Variants in B3GLCT observed in about 807,000 individuals in gnomAD.
B3GLCT encodes beta 3-glucosyltransferase.
B3GLCT carries 65 observed loss-of-function variants against 63.4 expected under a neutral mutation model. The observed-to-expected ratio is 1.03, with a 90% confidence interval of 0.84 to 1.26. The LOEUF (loss-of-function observed/expected upper bound fraction) is 1.26. B3GLCT is among the 50% of genes most tolerant of loss of function. B3GLCT has a pLI of 0.00. For missense variants in B3GLCT, 577 were observed against 604.8 expected (o/e 0.95, Z 0.48); for synonymous variants, 233 against 219.2 (o/e 1.06, Z -0.55).
chr13:31,232,955 A>G (rs937533996), intron 4 of B3GLCT, among the ~76,000 whole-genome samples: 1 of 152,088 alleles, frequency 6.6e-6, no homozygotes, highest in African/African-American at 2.4e-5. Context: ...GTTTCCTTGT[A>G]TTTCTCCTAC....
intron 4 of B3GLCT, among the ~76,000 whole-genome samples, chr13:31,237,894 G>C (rs1258471006): frequency 6.6e-6 from 1 of 152,198 alleles, no homozygotes; most frequent in African/African-American, 2.4e-5. Flanking sequence ...CAACTGTGAA[G>C]CATGAAGGTT....
At chr13:31,257,329 G>A (rs959916683) in intron 6 of B3GLCT, among the ~76,000 whole-genome samples, 2 of 151,952 alleles carry the variant, frequency 1.3e-5, no homozygotes, top group Non-Finnish European at 2.9e-5. Flanking sequence ...TTTCATATTG[G>A]TTAAGGTTTA....
chr13:31,286,000 G>T (rs1873312933), intron 11 of B3GLCT, among the ~76,000 whole-genome samples: 1 of 152,100 alleles, frequency 6.6e-6, no homozygotes, highest in African/African-American at 2.4e-5. Context: ...AAATTGAGTG[G>T]TTTAATAGTC....
At chr13:31,292,786 GT>G (rs1343705003) in intron 12 of B3GLCT, among the ~76,000 whole-genome samples, 8 of 151,084 alleles carry the variant, frequency 5.3e-5, no homozygotes, top group Non-Finnish European at 1.2e-4. Flanking sequence ...ATTTTTTAGA[GT>G]TTTTTTGTGT....
chr13:31,229,232 C>G lies in B3GLCT; in HGVS notation c.208C>G (p.His70Asp). 1 of 1,613,448 alleles carries G rather than the reference C, an allele frequency of 6.2e-7. No homozygotes were observed. Among genetic ancestry groups the G allele is most frequent in the Non-Finnish European group, 8.5e-7 (1 of 1,179,458 alleles). Reference sequence around the variant, plus strand: ...CATCCAGAGTCAAAGTAATTCTTTTCATGCAAAGAGAGCAGAGCAGTTAAA... The same window carrying G: ...CATCCAGAGTCAAAGTAATTCTTTTGATGCAAAGAGAGCAGAGCAGTTAAA... ...FVIQSQSNSF[H>D]AKRAEQLKKS... is the part of the protein sequence containing the mutation. The change falls in exon 4 of 15, where the codon CAT becomes GAT. Residue 70 changes from histidine (H) to aspartate (D), a missense_variant. Coordinates refer to ENST00000343307, the MANE Select transcript of B3GLCT (RefSeq NM_194318.4).
At chr13:31,269,934 C>G (rs139242062) in intron 8 of B3GLCT, among the ~76,000 whole-genome samples, 216 of 152,280 alleles carry the variant, frequency 1.4e-3, no homozygotes, top group African/African-American at 4.6e-3. Flanking sequence ...AGACTCCACT[C>G]AGTCTATGGT....
chr13:31,200,232 G>GGGGAGGGAGGCGCA lies in B3GLCT; in HGVS notation c.70+82_70+95dup, dbSNP rs1868567265. The GGGGAGGGAGGCGCA allele has an allele frequency of 4.2e-6, 4 of 949,138 alleles. No homozygotes were observed. The East Asian group carries it at 2.4e-4, about 56-fold the overall frequency. 58.8% of individuals were successfully genotyped at this position (949,138 alleles called of 1,614,324 possible). Reference sequence around the variant, plus strand: ...CAGTCGCCCGTGCCCCGGTCGGCGCGGGGAGGGAGGCGCAGGGCGGCCCAG... The same window carrying GGGGAGGGAGGCGCA: ...CAGTCGCCCGTGCCCCGGTCGGCGCGGGGAGGGAGGCGCAGGGAGGGAGGCGCAGGGCGGCCCAG... On this transcript the variant is annotated intron_variant, in intron 1 of 14. Transcript: ENST00000343307.
intron 3 of B3GLCT, among the ~76,000 whole-genome samples, chr13:31,225,886 C>T (rs1430819727): frequency 1.3e-5 from 2 of 152,198 alleles, no homozygotes; most frequent in African/African-American, 4.8e-5. Flanking sequence ...CCAAGCCTCT[C>T]AGCATGGTAT....
At chr13:31,255,605 A>G (rs972074983) in intron 6 of B3GLCT, among the ~76,000 whole-genome samples, 20 of 152,224 alleles carry the variant, frequency 1.3e-4, no homozygotes, top group African/African-American at 4.8e-4. Flanking sequence ...AAAACCAGAT[A>G]TATAGACCAA....
At chr13:31,316,409 A>ATG (rs1875021842) in intron 12 of B3GLCT, among the ~76,000 whole-genome samples, 1 of 48,856 alleles carries the variant, frequency 2.0e-5, no homozygotes, top group Non-Finnish European at 4.5e-5. Flanking sequence ...TGGAGGTTTT[A>ATG]TATATATATA....
At chr13:31,253,985 C>T (rs1015201384) in intron 6 of B3GLCT, among the ~76,000 whole-genome samples, 1 of 152,072 alleles carries the variant, frequency 6.6e-6, no homozygotes, top group African/African-American at 2.4e-5. Context: ...AAGAAGAAGT[C>T]GAATCCCTGA....
chr13:31,296,930 C>T (rs1295319518), intron 12 of B3GLCT, among the ~76,000 whole-genome samples: 1 of 152,062 alleles, frequency 6.6e-6, no homozygotes, highest in Non-Finnish European at 1.5e-5. Context: ...TCTATACTCC[C>T]CTAACCCCAT....
chr13:31,264,731 C>G (rs1355477), intron 7 of B3GLCT, among the ~76,000 whole-genome samples: 93,679 of 152,068 alleles, frequency 0.62, 29,554 homozygotes, highest in East Asian at 0.98. Flanking sequence ...TTCATTAGCC[C>G]CATCAGCTGC....
At chr13:31,266,962 G>A (rs1872353784) in intron 7 of B3GLCT, among the ~76,000 whole-genome samples, 1 of 151,952 alleles carries the variant, frequency 6.6e-6, no homozygotes, top group Admixed American at 6.6e-5. Flanking sequence ...GTAGAGACGG[G>A]GTTTCACCTT....
intron 4 of B3GLCT, among the ~76,000 whole-genome samples, chr13:31,240,567 C>T (rs1870888671): frequency 6.7e-6 from 1 of 150,252 alleles, no homozygotes; most frequent in Non-Finnish European, 1.5e-5. Flanking sequence ...TGTAAAGAAG[C>T]TTGAGAAAGA....
chr13:31,200,224 G>A lies in B3GLCT; in HGVS notation c.70+70G>A, dbSNP rs920718627. The A allele has an allele frequency of 3.9e-6, 4 of 1,026,960 alleles. No individual in the cohort carries two copies. In the East Asian group the frequency reaches 2.1e-4, roughly 54 times the overall value. The allele number at this position is 1,026,960 out of a possible 1,614,324, so 63.6% of individuals were successfully genotyped here. A position where few individuals can be genotyped will look rare whatever the true frequency, so the allele number is the denominator to read the frequency against. ...CGCGGGCACAGTCGCCCGTGCCCCG[G>A]TCGGCGCGGGGAGGGAGGCGCAGGG... is the stretch of plus-strand genomic sequence containing the variant. On this transcript the variant is annotated intron_variant, in intron 1 of 14. Coordinates refer to ENST00000343307, the MANE Select transcript of B3GLCT (RefSeq NM_194318.4).
intron 8 of B3GLCT, among the ~76,000 whole-genome samples, chr13:31,271,781 G>C (rs1191133680): frequency 6.6e-6 from 1 of 152,100 alleles, no homozygotes; most frequent in Non-Finnish European, 1.5e-5. Flanking sequence ...TACTAAGGGA[G>C]GAATGTAGAA....
At chr13:31,233,748 G>A (rs1011844780) in intron 4 of B3GLCT, among the ~76,000 whole-genome samples, 1 of 152,304 alleles carries the variant, frequency 6.6e-6, no homozygotes, top group South Asian at 2.1e-4. Context: ...AACTCAAGGG[G>A]TTCTAATCTT....
At position 31,308,355 on chromosome 13, in the gene B3GLCT, A is replaced by C. The variant is rs1243453878; in HGVS notation, c.1065-9211A>C. ...AATAAAAAAAAAAAAATTAAAAAAA[A>C]AAAAACAAAAAAAAAAGCTAGTCCC... is the stretch of plus-strand genomic sequence containing the variant. On this transcript the variant is annotated intron_variant, in intron 12 of 14. Coordinates refer to ENST00000343307, the MANE Select transcript of B3GLCT (RefSeq NM_194318.4). 5.6e-4 allele frequency among the ~76,000 whole-genome samples: 31 copies of C among 54,918 alleles called. 2 individuals carry two copies. The highest frequency in any genetic ancestry group is 1.3e-3 in the African/African-American group (30 of 23,514). 36.0% of individuals were successfully genotyped at this position (54,918 alleles called of 152,430 possible). A position where few individuals can be genotyped will look rare whatever the true frequency, so the allele number is the denominator to read the frequency against.
Sources: gnomAD v4.1 joint callset for allele counts (sites outside exome capture counted in the v4.1 genomes callset) on GRCh38, gnomAD v4.1.1 for gene constraint, MANE v1.5 for transcripts, NCBI Gene and HGNC (gene_info 2026-07-23, HGNC 2026-07-21) for gene names.